The following FYB1 variants were observed in gnomAD, a reference collection of about 807,000 sequenced individuals.
FYB1 encodes the protein FYN-binding protein 1.
FYB1 carries 41 observed loss-of-function variants against 94.1 expected under a neutral mutation model. That is an observed-to-expected ratio of 0.44 (90% CI 0.34 to 0.57). The LOEUF is 0.57. FYB1 is among the 20% of genes least tolerant of loss of function. The pLI, the probability that FYB1 is intolerant of heterozygous loss-of-function variation, is 0.02. For synonymous variants in FYB1, 367 were observed against 353.2 expected (o/e 1.04, Z -0.44); for missense variants, 1,050 against 976.8 (o/e 1.07, Z -1.00).
chr5:39,120,893 T>C (rs1561133883), intron 14 of FYB1, among the ~76,000 whole-genome samples: 1 of 152,040 alleles, frequency 6.6e-6, no homozygotes, highest in African/African-American at 2.4e-5. Context: ...ATTTGTGGAA[T>C]TACTGCCCCA....
intron 16 of FYB1, among the ~76,000 whole-genome samples, chr5:39,112,095 A>G (rs2150258980): frequency 1.3e-5 from 2 of 152,106 alleles, no homozygotes; most frequent in Middle Eastern, 6.8e-3. Flanking sequence ...CTCAAAAGAG[A>G]AAAATCTGTG....
intron 2 of FYB1, among the ~76,000 whole-genome samples, chr5:39,154,200 G>A (rs72734747): frequency 0.17 from 26,500 of 152,010 alleles, 2,561 homozygotes; most frequent in Non-Finnish European, 0.22. Flanking sequence ...ACCGTTGCTG[G>A]TACCTAAAAA....
At chr5:39,157,594 A>T (rs1024598550) in intron 2 of FYB1, among the ~76,000 whole-genome samples, 1 of 152,196 alleles carries the variant, frequency 6.6e-6, no homozygotes, top group Admixed American at 6.5e-5. Flanking sequence ...AACTTAGAAG[A>T]TACAAAATAA....
At chr5:39,182,308 TG>T (rs1746327367) in intron 2 of FYB1, among the ~76,000 whole-genome samples, 1 of 4,156 alleles carries the variant, frequency 2.4e-4, no homozygotes, top group Non-Finnish European at 2.8e-3. Flanking sequence ...TGTGTGTGTG[TG>T]TGTGTGTGTG....
Position 39,134,280 on chromosome 5 carries a change from C to G in FYB1, c.1745G>C (p.Gly582Ala). Residue 582 changes from glycine to alanine, a missense_variant, in exon 9 of 19, where the codon GGT becomes GCT. Coordinates refer to ENST00000512982, the MANE Select transcript of FYB1 (RefSeq NM_001465.6). ...ATCTTCAATAGGTCTTGAAGGGGCA[C>G]CAAGAGAGTCTTTTTTCAGTTTCAA... is the stretch of plus-strand genomic sequence containing the variant. ...DSLKLKKDSLGAPSRPIEDDQ... is the reference protein window; with the variant it reads ...DSLKLKKDSLAAPSRPIEDDQ... The G allele has an allele frequency of 6.2e-7, 1 of 1,610,878 alleles. No individual in the cohort carries two copies. The highest frequency in any genetic ancestry group is 8.5e-7 in the Non-Finnish European group (1 of 1,177,286).
rs1014451519 is a variant in FYB1, at chr5:39,242,062, AT to A, written c.-28+32340del. ...TCATTCCAGGAACTGTTAAATCACT[AT>A]TTTTTTTCCCTCTCAGTTGAAACAA... On this transcript the variant is annotated intron_variant, in intron 1 of 1. Coordinates refer to the FYB1 transcript ENST00000510188. 1.2e-4 allele frequency among the ~76,000 whole-genome samples: 18 copies of A among 151,708 alleles called. No individual in the cohort carries two copies. The East Asian group carries it at 1.4e-3, about 11-fold the overall frequency.
chr5:39,273,138 G>A (rs1408467495), intron 1 of FYB1, among the ~76,000 whole-genome samples: 1 of 152,184 alleles, frequency 6.6e-6, no homozygotes, highest in Non-Finnish European at 1.5e-5. Flanking sequence ...CCGTCTGGGA[G>A]GTGTACCCAA....
At chr5:39,213,303 T>C (rs1749581580) in intron 1 of FYB1, among the ~76,000 whole-genome samples, 1 of 152,152 alleles carries the variant, frequency 6.6e-6, no homozygotes, top group South Asian at 2.1e-4. Flanking sequence ...CTATATGCCA[T>C]AGGAACCAGA....
At chr5:39,246,477 G>A (rs536668268) in intron 1 of FYB1, among the ~76,000 whole-genome samples, 1 of 152,168 alleles carries the variant, frequency 6.6e-6, no homozygotes. Flanking sequence ...TCCCTTAACA[G>A]CATCCTAAAT....
At position 39,202,615 on chromosome 5, in the gene FYB1, TG is replaced by T. The variant is rs1424795914; in HGVS notation, c.345del (p.Lys116SerfsTer27). ...AKVGFLKPVG[P>X]KPINLPKEDS... Reference sequence around the variant, plus strand: ...TCTTCTTTGGGCAAGTTGATGGGCTTGGGGCCTACAGGTTTCAGAAATCCCA... The same window carrying T: ...TCTTCTTTGGGCAAGTTGATGGGCTTGGGCCTACAGGTTTCAGAAATCCCA... On this transcript the variant is annotated frameshift_variant, in exon 2 of 19. Transcript: ENST00000512982. LOFTEE classifies it high-confidence loss of function. The T allele has an allele frequency of 6.2e-7, 1 of 1,613,844 alleles. No homozygotes were observed. The highest frequency in any genetic ancestry group is 8.5e-7 in the Non-Finnish European group (1 of 1,179,862).
At chr5:39,238,570 C>A (rs1055446596) in intron 1 of FYB1, among the ~76,000 whole-genome samples, 6 of 151,902 alleles carry the variant, frequency 3.9e-5, no homozygotes, top group Admixed American at 3.3e-4. Context: ...TTGATGAGGA[C>A]AATGAGGTCT....
At chr5:39,244,237 C>T (rs1751359930) in intron 1 of FYB1, among the ~76,000 whole-genome samples, 2 of 152,088 alleles carry the variant, frequency 1.3e-5, no homozygotes, top group South Asian at 4.1e-4. Context: ...AAAGGGAATG[C>T]TTCCAGTTTT....
At chr5:39,141,828 C>T (rs1055261288) in intron 3 of FYB1, among the ~76,000 whole-genome samples, 1 of 151,064 alleles carries the variant, frequency 6.6e-6, no homozygotes, top group African/African-American at 2.4e-5. Context: ...GCTAAGATCG[C>T]ACCACTGCAC....
chr5:39,172,584 C>T (rs919452441), intron 2 of FYB1, among the ~76,000 whole-genome samples: 6 of 152,154 alleles, frequency 3.9e-5, no homozygotes, highest in African/African-American at 1.4e-4. Flanking sequence ...GGTTCTTGAG[C>T]CCACACCTTC....
chr5:39,164,581 C>T (rs984166367), intron 2 of FYB1, among the ~76,000 whole-genome samples: 11 of 152,062 alleles, frequency 7.2e-5, no homozygotes, highest in African/African-American at 2.4e-4. Context: ...ACCACCACCA[C>T]ACCTGGCTAA....
chr5:39,112,491 T>A (rs1739159338), intron 16 of FYB1, among the ~76,000 whole-genome samples: 1 of 152,056 alleles, frequency 6.6e-6, no homozygotes. Context: ...AATTATAAAC[T>A]GTTGTTAGAG....
intron 2 of FYB1, among the ~76,000 whole-genome samples, chr5:39,157,733 G>A (rs1391002418): frequency 2.0e-5 from 3 of 152,166 alleles, no homozygotes; most frequent in African/African-American, 7.2e-5. Flanking sequence ...GGGAATGCCT[G>A]GGTATCTGTG....
intron 1 of FYB1, 37 bp downstream of exon 1, chr5:39,219,406 A>G (rs1247781895): frequency 5.1e-6 from 5 of 984,414 alleles, no homozygotes; most frequent in Non-Finnish European, 2.4e-6. Context: ...AAAATTACAC[A>G]TTTATTTGAA....
At chr5:39,146,437 AT>A (rs1288552173) in intron 3 of FYB1, among the ~76,000 whole-genome samples, 3 of 152,140 alleles carry the variant, frequency 2.0e-5, no homozygotes, top group Admixed American at 2.0e-4. Flanking sequence ...TTGCTAGTTA[AT>A]TTATTATTAT....
Sources: allele counts gnomAD v4.1 joint callset (sites outside exome capture counted in the v4.1 genomes callset), GRCh38; gene constraint gnomAD v4.1.1; transcripts MANE v1.5; gene names NCBI Gene and HGNC (gene_info 2026-07-23, HGNC 2026-07-21).